LRRC37A2: variants seen among roughly 807,000 people sequenced by gnomAD.
LRRC37A2 encodes leucine-rich repeat-containing protein 37A2.
Under a neutral mutation model 68.8 loss-of-function variants are expected in LRRC37A2, and 9 were observed. That is an observed-to-expected ratio of 0.13 (90% CI 0.08 to 0.23). LRRC37A2 has a LOEUF of 0.23. Among genes scored for constraint, LRRC37A2 ranks in the 10% least tolerant of loss-of-function variants. The probability of loss-of-function intolerance (pLI) is 1.00; values close to 1 mark genes in which losing one functional copy is unlikely to be tolerated. For synonymous variants in LRRC37A2, 63 were observed against 367.6 expected, an observed-to-expected ratio of 0.17 and a Z score of 9.48; for missense variants, 168 against 950.4, an observed-to-expected ratio of 0.18 and a Z score of 10.82.
the LRRC37A2 span, among the ~76,000 whole-genome samples, chr17:46,767,303 C>T: frequency 1.8e-3 from 276 of 152,306 alleles, no homozygotes; most frequent in Non-Finnish European, 3.3e-3. Flanking sequence ...CTCCTGCTCC[C>T]CGTCATCATC....
intron 11 of LRRC37A2, among the ~76,000 whole-genome samples, chr17:46,553,009 CG>C (rs1460966604): frequency 7.0e-6 from 1 of 142,946 alleles, no homozygotes; most frequent in Non-Finnish European, 1.5e-5. Context: ...GAGCTGTGAT[CG>C]TGACACCGCA....
the LRRC37A2 span, among the ~76,000 whole-genome samples, chr17:46,866,737 A>T: frequency 2.6e-5 from 4 of 152,086 alleles, no homozygotes; most frequent in African/African-American, 9.7e-5. Context: ...AAGAGTCCAG[A>T]CACACTGGCA....
the LRRC37A2 span, among the ~76,000 whole-genome samples, chr17:46,723,540 CT>C: frequency 2.6e-5 from 4 of 152,184 alleles, no homozygotes; most frequent in Non-Finnish European, 5.9e-5. Flanking sequence ...CTCATTTTCT[CT>C]TTTTCTGTGT....
At chr17:46,859,446 T>C in the LRRC37A2 span, among the ~76,000 whole-genome samples, 1 of 152,256 alleles carries the variant, frequency 6.6e-6, no homozygotes. Flanking sequence ...CATCAATTGA[T>C]TCAATATGTG....
intron 6 of LRRC37A2, among the ~76,000 whole-genome samples, chr17:46,525,604 T>A (rs1296315467): frequency 1.7e-5 from 2 of 116,260 alleles, no homozygotes; most frequent in Non-Finnish European, 1.9e-5. Flanking sequence ...AATAATAATA[T>A]AATAATAATA....
the LRRC37A2 span, among the ~76,000 whole-genome samples, chr17:46,947,029 A>G: frequency 3.9e-5 from 6 of 152,162 alleles, no homozygotes; most frequent in South Asian, 6.2e-4. Context: ...CAGGGGAGCC[A>G]TGTGAGCTTG....
At chr17:46,921,929 T>C in the LRRC37A2 span, among the ~76,000 whole-genome samples, 2 of 152,192 alleles carry the variant, frequency 1.3e-5, no homozygotes, top group Non-Finnish European at 2.9e-5. Flanking sequence ...GTGTGGAGAT[T>C]TCTCAGGGAT....
At chr17:46,985,519 CA>C in the LRRC37A2 span, among the ~76,000 whole-genome samples, 4,592 of 111,296 alleles carry the variant, frequency 0.041, 66 homozygotes, top group Middle Eastern at 0.11. Flanking sequence ...GATTCCATCT[CA>C]AAAAAAAAAA....
At chr17:46,958,741 G>A in the LRRC37A2 span, among the ~76,000 whole-genome samples, 14 of 152,288 alleles carry the variant, frequency 9.2e-5, 1 homozygote, top group South Asian at 6.2e-4. Context: ...GCCAACTTCC[G>A]GCGAAGTCAA....
the LRRC37A2 span, among the ~76,000 whole-genome samples, chr17:46,893,795 A>G: frequency 6.6e-6 from 1 of 152,186 alleles, no homozygotes; most frequent in African/African-American, 2.4e-5. Flanking sequence ...AAAGAGCCCA[A>G]TTCATTCTCC....
At chr17:46,876,780 C>A in the LRRC37A2 span, 1 of 1,475,446 alleles carries the variant, frequency 6.8e-7, no homozygotes, top group African/African-American at 1.4e-5. Context: ...CTTCAAGCTG[C>A]CCAGCCGGCC....
the LRRC37A2 span, among the ~76,000 whole-genome samples, chr17:46,493,741 G>A: frequency 6.7e-6 from 1 of 149,738 alleles, no homozygotes; most frequent in Non-Finnish European, 1.5e-5. Flanking sequence ...GTTTCACCAT[G>A]TTAGCCAGGA....
chr17:47,003,662 CA>C, the LRRC37A2 span, among the ~76,000 whole-genome samples: 1 of 152,064 alleles, frequency 6.6e-6, no homozygotes, highest in South Asian at 2.1e-4. Context: ...TGGGCTGGCT[CA>C]CCCTGGGATT....
At chr17:46,986,592 C>T in the LRRC37A2 span, among the ~76,000 whole-genome samples, 1 of 152,194 alleles carries the variant, frequency 6.6e-6, no homozygotes, top group Non-Finnish European at 1.5e-5. Flanking sequence ...GCCGTCACAA[C>T]AAGGGAATGT....
At chr17:46,841,149 A>C in the LRRC37A2 span, among the ~76,000 whole-genome samples, 2 of 152,228 alleles carry the variant, frequency 1.3e-5, no homozygotes, top group Non-Finnish European at 2.9e-5. Flanking sequence ...CAAATTTACC[A>C]TTTATTGAGC....
At chr17:46,854,786 G>A in the LRRC37A2 span, among the ~76,000 whole-genome samples, 3 of 151,902 alleles carry the variant, frequency 2.0e-5, no homozygotes, top group Admixed American at 6.6e-5. Flanking sequence ...TCAGCTTTCC[G>A]AGAGCTAGGA....
At chr17:46,957,697 G>A in the LRRC37A2 span, among the ~76,000 whole-genome samples, 1 of 152,204 alleles carries the variant, frequency 6.6e-6, no homozygotes, top group Admixed American at 6.5e-5. Context: ...AGGACATGAA[G>A]GAAGATTTGT....
chr17:46,486,123 T>TA, the LRRC37A2 span, among the ~76,000 whole-genome samples: 2 of 76,428 alleles, frequency 2.6e-5, no homozygotes, highest in African/African-American at 9.2e-5. Context: ...CTTGTAAAAC[T>TA]AAAACTCCAT....
At chr17:46,955,944 T>C in the LRRC37A2 span, among the ~76,000 whole-genome samples, 42,116 of 152,002 alleles carry the variant, frequency 0.28, 6,744 homozygotes, top group South Asian at 0.45. Flanking sequence ...AAGACTCTAA[T>C]TCCTTATCCC....
Sources: gnomAD v4.1 joint callset for allele counts (sites outside exome capture counted in the v4.1 genomes callset) on GRCh38, gnomAD v4.1.1 for gene constraint, MANE v1.5 for transcripts, NCBI Gene and HGNC (gene_info 2026-07-23, HGNC 2026-07-21) for gene names.